ARFGEF2: variants seen among roughly 807,000 people sequenced by gnomAD.
The protein encoded by ARFGEF2 is ARF guanine nucleotide exchange factor 2.
In ARFGEF2, 74 loss-of-function variants were observed where a neutral mutation model predicts 219.9. That is an observed-to-expected ratio of 0.34 (90% CI 0.28 to 0.41). The LOEUF is 0.41. Ranked by LOEUF, ARFGEF2 falls within the 10% of genes least tolerant of loss-of-function variation. The pLI is 1.00. For synonymous variants in ARFGEF2, 733 were observed against 799.2 expected (o/e 0.92, Z 1.40); for missense variants, 1,743 against 2,218.3 (o/e 0.79, Z 4.30).
chr20:48,995,283 G>A (rs1272192863), intron 22 of ARFGEF2, among the ~76,000 whole-genome samples: 1 of 152,208 alleles, frequency 6.6e-6, no homozygotes, highest in Non-Finnish European at 1.5e-5. Context: ...CAACTACGGA[G>A]TGTAGGCTTC....
chr20:49,012,035 C>T lies in ARFGEF2; in HGVS notation c.3869C>T (p.Ala1290Val), dbSNP rs767937591. ...NAAFPDTSME[A>V]IRLIRFCGKY... is the part of the protein sequence containing the mutation. Reference sequence around the variant, plus strand: ...GCTTTCCCTGACACGAGCATGGAAGCGATTCGGCTCATCCGCTTCTGTGGC... The same window carrying T: ...GCTTTCCCTGACACGAGCATGGAAGTGATTCGGCTCATCCGCTTCTGTGGC... Residue 1290 changes from alanine (A) to valine (V), a missense_variant, in exon 28 of 39, where the codon GCG becomes GTG. By Grantham distance (64) the Ala-to-Val change is moderately conservative. Around this residue, in one of 5 missense-constraint regions of ARFGEF2, gnomAD observed 578 missense variants for 664.0 expected, o/e 0.87. Coordinates refer to ENST00000371917, the MANE Select transcript of ARFGEF2 (RefSeq NM_006420.3). 3.7e-6 allele frequency: 6 copies of T among 1,614,108 alleles called. No individual in the cohort carries two copies. The highest frequency in any genetic ancestry group is 1.1e-5 in the South Asian group (1 of 91,090).
chr20:48,995,201 C>T lies in ARFGEF2; in HGVS notation c.3122-582C>T, dbSNP rs1227507279. Among the ~76,000 whole-genome samples the T allele has an allele frequency of 3.9e-5, 6 of 152,014 alleles. No homozygotes were observed. The South Asian group carries it at 6.2e-4, about 16-fold the overall frequency. On this transcript the variant is annotated intron_variant, in intron 22 of 38. Transcript: ENST00000371917. ...TTTTGCAATTGAGAAAACTGAGGCA[C>T]GGAGTGAAAAGATATGAGCAGCATC...
chr20:49,009,919 A>C (rs1268836098), intron 26 of ARFGEF2, among the ~76,000 whole-genome samples: 1 of 152,240 alleles, frequency 6.6e-6, no homozygotes, highest in Admixed American at 6.5e-5. Flanking sequence ...AGAGGCAAGC[A>C]TTCAACTTTG....
At chr20:48,942,399 C>T (rs1438044256) in intron 3 of ARFGEF2, among the ~76,000 whole-genome samples, 1 of 151,718 alleles carries the variant, frequency 6.6e-6, no homozygotes, top group Non-Finnish European at 1.5e-5. Flanking sequence ...GTCCTACCAC[C>T]TTGGCTTTCC....
chr20:49,036,466 A>C lies in ARFGEF2; in HGVS notation c.*3267A>C. Reference sequence around the variant, plus strand: ...TCCTTAAAATGCCTAAAAGTTAGTTAATAGTTACTTTGGTTTAACCTATAC... The same window carrying C: ...TCCTTAAAATGCCTAAAAGTTAGTTCATAGTTACTTTGGTTTAACCTATAC... On this transcript the variant is annotated 3_prime_UTR_variant, in exon 39 of 39. Transcript: ENST00000371917. The C allele has an allele frequency of 2.6e-6, 1 of 381,194 alleles. No individual in the cohort carries two copies. 23.6% of individuals were successfully genotyped at this position (381,194 alleles called of 1,614,324 possible). A position where few individuals can be genotyped will look rare whatever the true frequency, so the allele number is the denominator to read the frequency against.
At position 48,921,854 on chromosome 20, in the gene ARFGEF2, G is replaced by A. The variant is rs995113588; in HGVS notation, c.-36G>A. 5 of 1,497,928 alleles carry A rather than the reference G, an allele frequency of 3.3e-6. No homozygotes were observed. The highest frequency in any genetic ancestry group is 2.8e-5 in the East Asian group (1 of 35,204). 92.8% of individuals were successfully genotyped at this position (1,497,928 alleles called of 1,614,324 possible). On this transcript the variant is annotated 5_prime_UTR_variant, in exon 1 of 39. Transcript: ENST00000371917. ...GCTCGCCATCTCGCTCACGCCGCCCGCCCGCGGGGCCGTCAGCCCCCGCCG... is the reference window on the plus strand; with the variant it reads ...GCTCGCCATCTCGCTCACGCCGCCCACCCGCGGGGCCGTCAGCCCCCGCCG...
intron 8 of ARFGEF2, among the ~76,000 whole-genome samples, chr20:48,968,079 T>C (rs1035926310): frequency 6.6e-6 from 1 of 152,070 alleles, no homozygotes; most frequent in African/African-American, 2.4e-5. Flanking sequence ...CTGCAAGCTC[T>C]GCCTCCCAGG....
At chr20:48,961,512 A>G (rs1027485142) in intron 6 of ARFGEF2, among the ~76,000 whole-genome samples, 1 of 148,428 alleles carries the variant, frequency 6.7e-6, no homozygotes, top group Non-Finnish European at 1.5e-5. Flanking sequence ...AACCTGCCTG[A>G]GACTTTTTTA....
chr20:49,028,084 C>A (rs2091613577), intron 36 of ARFGEF2, among the ~76,000 whole-genome samples: 1 of 152,108 alleles, frequency 6.6e-6, no homozygotes. Flanking sequence ...ATGGAGAAAC[C>A]CTGTCTCTAC....
chr20:48,997,473 G>A (rs778589453), intron 23 of ARFGEF2, among the ~76,000 whole-genome samples: 1 of 152,024 alleles, frequency 6.6e-6, no homozygotes, highest in Non-Finnish European at 1.5e-5. Context: ...GGGTTTCACC[G>A]TATTGGACAG....
In ARFGEF2 at chr20:49,034,819, C is replaced by T. The variant is rs1314080850; in HGVS notation, c.*1620C>T. 6.6e-6 allele frequency: 1 copy of T among 152,076 alleles called. No homozygotes were observed. Among genetic ancestry groups the T allele is most frequent in the African/African-American group, 2.4e-5 (1 of 41,394 alleles). 9.4% of individuals were successfully genotyped at this position (152,076 alleles called of 1,614,324 possible). A position where few individuals can be genotyped will look rare whatever the true frequency, so the allele number is the denominator to read the frequency against. ...GCCTTGAGAAATGTTTGGTTTTGGCCAGCAGAATTCTTGTCTACTTTTTTC... is the reference window on the plus strand; with the variant it reads ...GCCTTGAGAAATGTTTGGTTTTGGCTAGCAGAATTCTTGTCTACTTTTTTC... On this transcript the variant is annotated 3_prime_UTR_variant, in exon 39 of 39. Transcript: ENST00000371917.
chr20:48,995,694 CT>C (rs1262732154), intron 22 of ARFGEF2, 88 bp from the exon 23 acceptor site: 7 of 1,099,458 alleles, frequency 6.4e-6, no homozygotes, highest in Admixed American at 1.7e-5. Flanking sequence ...TTTATGTCCC[CT>C]GTCCCTGCGT....
In ARFGEF2 at chr20:49,035,040, T is replaced by G. The variant is rs2091658532; in HGVS notation, c.*1841T>G. 6.6e-6 allele frequency: 1 copy of G among 152,178 alleles called. No individual in the cohort carries two copies. The highest frequency in any genetic ancestry group is 2.1e-4 in the South Asian group (1 of 4,828). 9.4% of individuals were successfully genotyped at this position (152,178 alleles called of 1,614,324 possible). The stretch of plus-strand genomic sequence containing the variant: ...CCTGGAATCCACTGCACCTTTACAC[T>G]GCACCATGAAACCTACACTCCCTGG... On this transcript the variant is annotated 3_prime_UTR_variant, in exon 39 of 39. Coordinates refer to ENST00000371917, the MANE Select transcript of ARFGEF2 (RefSeq NM_006420.3).
chr20:48,985,676 A>G (rs948357825), intron 16 of ARFGEF2, 63 bp downstream of exon 16: 6 of 1,549,310 alleles, frequency 3.9e-6, no homozygotes, highest in African/African-American at 2.7e-5. Context: ...CGCTAATTCT[A>G]ATTTGGTTGG....
chr20:49,031,099 A>G (rs2091631225), intron 37 of ARFGEF2, among the ~76,000 whole-genome samples: 1 of 152,162 alleles, frequency 6.6e-6, no homozygotes, highest in Non-Finnish European at 1.5e-5. Context: ...ATTATGAGTA[A>G]TAAGCTCTTG....
Position 48,921,832 on chromosome 20 carries a change from C to G in ARFGEF2, c.-58C>G. The G allele has an allele frequency of 1.4e-6, 2 of 1,444,256 alleles. No homozygotes were observed. The highest frequency in any genetic ancestry group is 1.8e-6 in the Non-Finnish European group (2 of 1,089,758). 89.5% of individuals were successfully genotyped at this position (1,444,256 alleles called of 1,614,324 possible). ...GGGACGCCGGGCCCGCAGCCTAGCTCGCCATCTCGCTCACGCCGCCCGCCC... is the reference window on the plus strand; with the variant it reads ...GGGACGCCGGGCCCGCAGCCTAGCTGGCCATCTCGCTCACGCCGCCCGCCC... On this transcript the variant is annotated 5_prime_UTR_variant, in exon 1 of 39. Coordinates refer to ENST00000371917, the MANE Select transcript of ARFGEF2 (RefSeq NM_006420.3).
At chr20:48,969,428 A>C in intron 9 of ARFGEF2, 151 bp downstream of exon 9, 2 of 1,421,410 alleles carry the variant, frequency 1.4e-6, no homozygotes, top group Non-Finnish European at 1.9e-6. Context: ...TTTCAGACTC[A>C]TGCAGTCTCT....
chr20:48,996,525 T>C (rs2091389038), intron 23 of ARFGEF2, among the ~76,000 whole-genome samples: 1 of 151,412 alleles, frequency 6.6e-6, no homozygotes, highest in Admixed American at 6.6e-5. Context: ...GATCACAAGG[T>C]CAGGAAATCG....
intron 35 of ARFGEF2, among the ~76,000 whole-genome samples, chr20:49,024,602 C>T (rs1311497248): frequency 1.3e-5 from 2 of 152,144 alleles, no homozygotes; most frequent in Non-Finnish European, 2.9e-5. Context: ...AATTTTATTA[C>T]TGCTGGAAAA....
Sources: gnomAD v4.1 joint callset for allele counts (sites outside exome capture counted in the v4.1 genomes callset) on GRCh38, gnomAD v4.1.1 for gene constraint, gnomAD v4.1.1 regional missense constraint, MANE v1.5 for transcripts, NCBI Gene and HGNC (gene_info 2026-07-23, HGNC 2026-07-21) for gene names.